Variants in DPP10 observed in about 807,000 individuals in gnomAD.
The protein encoded by DPP10 is inactive dipeptidyl peptidase 10.
In DPP10, 33 loss-of-function variants were observed where a neutral mutation model predicts 120.9. The ratio of observed to expected loss-of-function variants is 0.27; its 90% CI spans 0.21 to 0.37. The LOEUF (loss-of-function observed/expected upper bound fraction) is 0.37. Among genes scored for constraint, DPP10 ranks in the 10% least tolerant of loss-of-function variants. The probability of loss-of-function intolerance (pLI) is 1.00; values close to 1 mark genes in which losing one functional copy is unlikely to be tolerated. For missense variants in DPP10, 816 were observed against 942.8 expected (o/e 0.87, Z 1.76); for synonymous variants, 337 against 326.1 (o/e 1.03, Z -0.36).
At chr2:115,432,457 A>G (rs1244418200) in intron 3 of DPP10, among the ~76,000 whole-genome samples, 1 of 152,036 alleles carries the variant, frequency 6.6e-6, no homozygotes, top group African/African-American at 2.4e-5. Flanking sequence ...TAGGAAAGCC[A>G]TTCCTAATAA....
At chr2:115,499,691 C>A (rs751774063) in intron 4 of DPP10, 87 bp downstream of exon 4, 1 of 886,870 alleles carries the variant, frequency 1.1e-6, no homozygotes, top group Admixed American at 3.0e-5. Flanking sequence ...TTCTTCAGCT[C>A]CAGCATTTGT....
chr2:115,734,553 G>T (rs2092987623), intron 8 of DPP10, among the ~76,000 whole-genome samples: 1 of 150,956 alleles, frequency 6.6e-6, no homozygotes, highest in Non-Finnish European at 1.5e-5. Flanking sequence ...CTACTTGAGA[G>T]GCTGAGGCAG....
rs371055178 is a variant in DPP10 at position 115,789,146 on chromosome 2, C to T, written c.1532-1935C>T. ...AAAAAATAAAAAATAAAAAATAAGG[C>T]GAGTATTGACCAGATTCCAAATCCA... On this transcript the variant is annotated intron_variant, in intron 17 of 25. Transcript: ENST00000410059. 1.4e-4 allele frequency among the ~76,000 whole-genome samples: 21 copies of T among 151,902 alleles called. No homozygotes were observed. In the South Asian group the frequency reaches 3.7e-3, roughly 27 times the overall value.
At chr2:114,532,334 A>C (rs143425401) in intron 1 of DPP10, among the ~76,000 whole-genome samples, 1,737 of 145,446 alleles carry the variant, frequency 0.012, 40 homozygotes, top group African/African-American at 0.042. Flanking sequence ...CACCATATAT[A>C]TCTCTCTATA....
chr2:115,059,710 G>A (rs911161723), intron 1 of DPP10, among the ~76,000 whole-genome samples: 12 of 130,608 alleles, frequency 9.2e-5, no homozygotes, highest in African/African-American at 3.2e-4. Flanking sequence ...AAAAGCAAAC[G>A]TGGAAGAAAA....
rs573682821 is a variant in DPP10, at chr2:114,673,041, C to T, written c.60+230203C>T. Among the ~76,000 whole-genome samples the T allele has an allele frequency of 3.9e-5, 6 of 152,252 alleles. No individual in the cohort carries two copies. The South Asian group carries it at 1.2e-3, about 32-fold the overall frequency. ...TGAATTCTTAGCCATCTGCTTCTGG[C>T]TTAGGACTGTGATTTGAGTATTGTA... On this transcript the variant is annotated intron_variant, in intron 1 of 25. Transcript: ENST00000410059.
At chr2:114,557,616 C>T (rs1347522523) in intron 1 of DPP10, among the ~76,000 whole-genome samples, 9 of 152,074 alleles carry the variant, frequency 5.9e-5, no homozygotes, top group Non-Finnish European at 1.0e-4. Context: ...TGTGCTTTTG[C>T]CTGGGAAGGT....
At chr2:114,548,209 T>C (rs182360170) in intron 1 of DPP10, among the ~76,000 whole-genome samples, 137 of 152,324 alleles carry the variant, frequency 9.0e-4, no homozygotes, top group Non-Finnish European at 1.5e-3. Context: ...GATTCATCTC[T>C]ATGGAGAAAC....
intron 1 of DPP10, among the ~76,000 whole-genome samples, chr2:115,239,329 C>T (rs1442689801): frequency 6.6e-6 from 1 of 152,164 alleles, no homozygotes. Flanking sequence ...CAGATAAATA[C>T]TTTGCAAAGG....
intron 5 of DPP10, among the ~76,000 whole-genome samples, chr2:115,583,088 A>T (rs2149134788): frequency 6.6e-6 from 1 of 152,348 alleles, no homozygotes; most frequent in Admixed American, 6.5e-5. Flanking sequence ...AAACAAAGAG[A>T]AAATAGTGCA....
chr2:114,828,227 A>G (rs1401759), intron 1 of DPP10, among the ~76,000 whole-genome samples: 142,870 of 152,210 alleles, frequency 0.94, 67,717 homozygotes, highest in East Asian at 1. Flanking sequence ...CACCCTGAAC[A>G]CTCCCCGTCT....
chr2:114,821,690 T>G (rs1686100043), intron 1 of DPP10, among the ~76,000 whole-genome samples: 5 of 152,192 alleles, frequency 3.3e-5, no homozygotes. Flanking sequence ...AGGCATTGGT[T>G]AAATACATCC....
intron 3 of DPP10, among the ~76,000 whole-genome samples, chr2:115,467,590 A>AG (rs2074410426): frequency 6.6e-6 from 1 of 152,058 alleles, no homozygotes; most frequent in Non-Finnish European, 1.5e-5. Flanking sequence ...GAAAAAAAAA[A>AG]GAGACACTGA....
chr2:115,451,025 T>C (rs73946548), intron 3 of DPP10, among the ~76,000 whole-genome samples: 100 of 152,026 alleles, frequency 6.6e-4, no homozygotes, highest in African/African-American at 2.0e-3. Context: ...AGATTGTAAT[T>C]TGACACAAAT....
At chr2:114,651,034 C>A (rs1015401971) in intron 1 of DPP10, among the ~76,000 whole-genome samples, 2 of 152,146 alleles carry the variant, frequency 1.3e-5, no homozygotes, top group African/African-American at 4.8e-5. Context: ...AGTTTGACTA[C>A]CACCTATGTA....
chr2:114,528,773 A>G (rs935586958), intron 1 of DPP10, among the ~76,000 whole-genome samples: 14 of 151,910 alleles, frequency 9.2e-5, no homozygotes, highest in Non-Finnish European at 1.8e-4. Context: ...GTATCAGTAT[A>G]AATCTCATTG....
intron 1 of DPP10, among the ~76,000 whole-genome samples, chr2:115,163,057 T>C (rs938574621): frequency 5.9e-5 from 9 of 151,874 alleles, no homozygotes; most frequent in African/African-American, 2.2e-4. Flanking sequence ...AGCGCTGGGG[T>C]AGGAGGACTG....
In DPP10 at chr2:115,263,427, G is replaced by A. The variant is rs576370501; in HGVS notation, c.61-45812G>A. The stretch of plus-strand genomic sequence containing the variant: ...TTTAAAATTCTGACTTTGGCCCCTG[G>A]CCTAGAATGACCATTAATGGTATAT... On this transcript the variant is annotated intron_variant, in intron 1 of 25. Transcript: ENST00000410059. 2.0e-5 allele frequency among the ~76,000 whole-genome samples: 3 copies of A among 152,240 alleles called. No individual in the cohort carries two copies. The South Asian group carries it at 6.2e-4, about 32-fold the overall frequency.
chr2:115,355,123 C>T (rs2064287368), intron 3 of DPP10, among the ~76,000 whole-genome samples: 1 of 152,134 alleles, frequency 6.6e-6, no homozygotes, highest in South Asian at 2.1e-4. Context: ...GAGGAATTGC[C>T]ATACTGTCTT....
Sources: allele counts gnomAD v4.1 joint callset (sites outside exome capture counted in the v4.1 genomes callset), GRCh38; gene constraint gnomAD v4.1.1; transcripts MANE v1.5; gene names NCBI Gene and HGNC (gene_info 2026-07-23, HGNC 2026-07-21).